DEFA5: variants seen among roughly 807,000 people sequenced by gnomAD.
The protein encoded by DEFA5 is HD5(20-94).
Under a neutral mutation model 8.7 loss-of-function variants are expected in DEFA5, and 11 were observed. The observed-to-expected ratio is 1.26, with a 90% CI of 0.80 to 2.09. DEFA5 has a LOEUF of 2.09. Among genes scored for constraint, DEFA5 ranks in the 30% most tolerant of loss-of-function variants. The pLI is 0.00. For missense variants in DEFA5, 181 were observed against 117.2 expected, an observed-to-expected ratio of 1.54 and a Z score of -2.52; for synonymous variants, 52 against 43.9, an observed-to-expected ratio of 1.18 and a Z score of -0.73.
chr8:7,056,739 TG>T, upstream of DEFA5: 2 of 1,566,182 alleles, frequency 1.3e-6, no homozygotes, highest in South Asian at 1.2e-5. Flanking sequence ...AGTGGATATG[TG>T]GGGAGTGAGG....
rs771976489 is a variant in DEFA5 at position 7,056,531 on chromosome 8, G to C, written c.167C>G (p.Thr56Ser). ...GCAAGATTGATGTCTCCTACCTGAG[G>C]TTCTAAGAGCAGAGAGTCCATTTCC... Reference protein sequence around the residue: ...FAGNGLSALRTSGSQARATCY... With the variant: ...FAGNGLSALRSSGSQARATCY... The change falls in exon 1 of 2, where the codon ACC becomes AGC. Residue 56 changes from threonine to serine, a missense_variant. Thr to Ser is a moderately conservative substitution (Grantham distance 58). Coordinates refer to ENST00000330590, the MANE Select transcript of DEFA5 (RefSeq NM_021010.3). The C allele has an allele frequency of 6.2e-7, 1 of 1,608,406 alleles. No homozygotes were observed. The highest frequency in any genetic ancestry group is 1.3e-5 in the African/African-American group (1 of 74,816).
At chr8:7,056,067 T>A (rs913931074) in intron 1 of DEFA5, among the ~76,000 whole-genome samples, 4 of 144,824 alleles carry the variant, frequency 2.8e-5, no homozygotes, top group Non-Finnish European at 6.0e-5. Flanking sequence ...CTTGTTTTAA[T>A]TGACAAACAA....
Position 7,056,409 on chromosome 8 carries a change from C to G in DEFA5, c.172+117G>C, listed in dbSNP as rs142853057. The stretch of plus-strand genomic sequence containing the variant: ...ATTTATAGATGAGAAAATCAAGGTC[C>G]AGGAAGATTAAGTAAAGTCACTCAA... On this transcript the variant is annotated intron_variant, in intron 1 of 1. Transcript: ENST00000330590. 192 of 1,064,576 alleles carry G rather than the reference C, an allele frequency of 1.8e-4. No homozygotes were observed. In the East Asian group the frequency reaches 4.5e-3, roughly 25 times the overall value. 65.9% of individuals were successfully genotyped at this position (1,064,576 alleles called of 1,614,324 possible).
Position 7,055,508 on chromosome 8 carries a change from C to A in DEFA5, c.208G>T (p.Gly70Cys), listed in dbSNP as rs567864675. The A allele has an allele frequency of 1.9e-6, 3 of 1,613,500 alleles. No individual in the cohort carries two copies. Among genetic ancestry groups the A allele is most frequent in the Non-Finnish European group, 2.5e-6 (3 of 1,179,842 alleles). The stretch of plus-strand genomic sequence containing the variant: ...AGGGACTCACGGGTAGCACAACGGC[C>A]GGTTCGGCAATAGCAGGTGGCTCTT... ...QARATCYCRT[G>C]RCATRESLSG... is the part of the protein sequence containing the mutation. Residue 70 changes from glycine (G) to cysteine (C), a missense_variant, in exon 2 of 2, where the codon GGC (glycine) becomes TGC (cysteine). By Grantham distance (159) the Gly-to-Cys change is radical. Coordinates refer to ENST00000330590, the MANE Select transcript of DEFA5 (RefSeq NM_021010.3).
intron 1 of DEFA5, among the ~76,000 whole-genome samples, chr8:7,055,818 T>G (rs1812402755): frequency 6.6e-6 from 1 of 152,172 alleles, no homozygotes; most frequent in Admixed American, 6.5e-5. Flanking sequence ...GGTTACCTAC[T>G]CTTCATTCTG....
In DEFA5 at chr8:7,055,336, A is replaced by G. The variant is rs562040521; in HGVS notation, c.*95T>C. 625 of 901,032 alleles carry G rather than the reference A, an allele frequency of 6.9e-4. 2 individuals are homozygous for G. The highest frequency in any genetic ancestry group is 1.0e-3 in the Non-Finnish European group (591 of 577,060). 55.8% of individuals were successfully genotyped at this position (901,032 alleles called of 1,614,324 possible). A position where few individuals can be genotyped will look rare whatever the true frequency, so the allele number is the denominator to read the frequency against. ...CTTGAACTTTATTTTGGAGAGAGAA[A>G]TTTAGAAAGACACAAGGTACACAGA... On this transcript the variant is annotated 3_prime_UTR_variant, in exon 2 of 2. Transcript: ENST00000330590.
chr8:7,056,514 G>A lies in DEFA5; in HGVS notation c.172+12C>T, dbSNP rs2117568538. Reference sequence around the variant, plus strand: ...CTAGATTTTGCAGATGTGCAAGATTGATGTCTCCTACCTGAGGTTCTAAGA... The same window carrying A: ...CTAGATTTTGCAGATGTGCAAGATTAATGTCTCCTACCTGAGGTTCTAAGA... On this transcript the variant is annotated intron_variant, in intron 1 of 1. Transcript: ENST00000330590. 3 of 1,597,450 alleles carry A rather than the reference G, an allele frequency of 1.9e-6. No individual in the cohort carries two copies. In the South Asian group the frequency reaches 3.3e-5, roughly 18 times the overall value.
chr8:7,056,197 TA>T (rs1472243834), intron 1 of DEFA5, among the ~76,000 whole-genome samples: 1 of 152,168 alleles, frequency 6.6e-6, no homozygotes, highest in African/African-American at 2.4e-5. Flanking sequence ...CTCTAGGTTC[TA>T]AAAGCTTTTC....
At chr8:7,055,672 C>G (rs1812397400) in intron 1 of DEFA5, 129 bp from the exon 2 acceptor site, 2 of 657,098 alleles carry the variant, frequency 3.0e-6, no homozygotes, top group African/African-American at 1.8e-5. Context: ...AAATTCATGT[C>G]TTTGTCGTAA....
chr8:7,056,292 T>A (rs751146328), intron 1 of DEFA5, among the ~76,000 whole-genome samples: 16 of 152,266 alleles, frequency 1.1e-4, no homozygotes, highest in Admixed American at 3.3e-4. Context: ...GCTCTTTCTA[T>A]CTTAAAAGTA....
At position 7,056,541 on chromosome 8, in the gene DEFA5, CAG is replaced by C; in HGVS notation, c.155_156del (p.Ser52CysfsTer3). The C allele has an allele frequency of 6.2e-7, 1 of 1,611,928 alleles. No individual in the cohort carries two copies. The highest frequency in any genetic ancestry group is 8.5e-7 in the Non-Finnish European group (1 of 1,178,384). ...LAISFAGNGL[S>X]ALRTSGSQAR... ...TGTCTCCTACCTGAGGTTCTAAGAGCAGAGAGTCCATTTCCTGCAAAGGAGAT... is the reference window on the plus strand; with the variant it reads ...TGTCTCCTACCTGAGGTTCTAAGAGCAGAGTCCATTTCCTGCAAAGGAGAT... On this transcript the variant is annotated frameshift_variant, in exon 1 of 2. Transcript: ENST00000330590. LOFTEE classifies it high-confidence loss of function.
chr8:7,055,953 T>G (rs1812406823), intron 1 of DEFA5, among the ~76,000 whole-genome samples: 1 of 151,440 alleles, frequency 6.6e-6, no homozygotes, highest in South Asian at 2.1e-4. Flanking sequence ...GACCAAATAC[T>G]TTGGTGCTCA....
chr8:7,056,435 G>T, intron 1 of DEFA5, 91 bp downstream of exon 1: 1 of 1,305,844 alleles, frequency 7.7e-7, no homozygotes, highest in Non-Finnish European at 1.0e-6. Flanking sequence ...AGTCACTCAA[G>T]TGAGGTAGAC....
intron 1 of DEFA5, 25 bp from the exon 2 acceptor site, chr8:7,055,568 C>T: frequency 3.9e-6 from 6 of 1,537,676 alleles, no homozygotes; most frequent in Non-Finnish European, 4.5e-6. Context: ...GAGGGTCAGG[C>T]ACAGCGAGGG....
Position 7,056,582 on chromosome 8 carries a change from T to G in DEFA5, c.116A>C (p.Asn39Thr), listed in dbSNP as rs748178633. 2.5e-6 allele frequency: 4 copies of G among 1,614,146 alleles called. No individual in the cohort carries two copies. The South Asian group carries it at 4.4e-5, about 18-fold the overall frequency. ...TGCAAAGGAGATAGCAAGGTCCTGG[T>G]TGTCTTCCCCAGACTGCTTCTGGGT... The part of the protein sequence containing the change: ...ATTQKQSGED[N>T]QDLAISFAGN... Residue 39 changes from asparagine (N) to threonine (T), a missense_variant, in exon 1 of 2, where the codon AAC becomes ACC. Transcript: ENST00000330590.
At chr8:7,056,014 CTTTTTTT>C (rs56220551) in intron 1 of DEFA5, among the ~76,000 whole-genome samples, 9,403 of 113,026 alleles carry the variant, frequency 0.083, 376 homozygotes, top group African/African-American at 0.091. Context: ...TCTGTCTCTC[CTTTTTTT>C]TTTTTTTTTT....
Position 7,055,384 on chromosome 8 carries a change from G to C in DEFA5, c.*47C>G. The C allele has an allele frequency of 6.9e-7, 1 of 1,443,108 alleles. No individual in the cohort carries two copies. Among genetic ancestry groups the C allele is most frequent in the African/African-American group, 1.4e-5 (1 of 71,392 alleles). 89.4% of individuals were successfully genotyped at this position (1,443,108 alleles called of 1,614,324 possible). A position where few individuals can be genotyped will look rare whatever the true frequency, so the allele number is the denominator to read the frequency against. ...AGAGTAAAATGTTTTTCTTTTTTCA[G>C]GACCTTGAACTGAATCTTGCACTGC... On this transcript the variant is annotated 3_prime_UTR_variant, in exon 2 of 2. Coordinates refer to ENST00000330590, the MANE Select transcript of DEFA5 (RefSeq NM_021010.3).
Position 7,055,423 on chromosome 8 carries a change from T to C in DEFA5, c.*8A>G. 1 of 1,610,918 alleles carries C rather than the reference T, an allele frequency of 6.2e-7. No individual in the cohort carries two copies. ...ATCTTGCACTGCTTTGGTTTCTATC[T>C]AGGAAGCTCAGCGACAGCAGAGTCT... On this transcript the variant is annotated 3_prime_UTR_variant, in exon 2 of 2. Transcript: ENST00000330590.
In DEFA5 at chr8:7,056,468, C is replaced by T. The variant is rs1812432383; in HGVS notation, c.172+58G>A. 3.9e-6 allele frequency: 6 copies of T among 1,529,340 alleles called. No homozygotes were observed. In the East Asian group the frequency reaches 1.4e-4, roughly 35 times the overall value. The allele number at this position is 1,529,340 out of a possible 1,614,324, so 94.7% of individuals were successfully genotyped here. A position where few individuals can be genotyped will look rare whatever the true frequency, so the allele number is the denominator to read the frequency against. ...GACCTTTCCACACTTGACTCCAGAT[C>T]CTTTCTCCAATCCTTTTTTTCTAGA... On this transcript the variant is annotated intron_variant, in intron 1 of 1. Transcript: ENST00000330590.
Sources: gnomAD v4.1 joint callset for allele counts (sites outside exome capture counted in the v4.1 genomes callset) on GRCh38, gnomAD v4.1.1 for gene constraint, MANE v1.5 for transcripts, NCBI Gene and HGNC (gene_info 2026-07-23, HGNC 2026-07-21) for gene names.